Variants in DNAH3 observed in about 807,000 individuals in gnomAD.
DNAH3 encodes axonemal beta dynein heavy chain 3.
In DNAH3, 332 loss-of-function variants were observed where a neutral mutation model predicts 432.5. The observed-to-expected ratio is 0.77, with a 90% CI of 0.70 to 0.84. DNAH3 has a LOEUF of 0.84. Ranked by LOEUF, DNAH3 falls within the 40% of genes least tolerant of loss-of-function variation. The pLI is 0.00. For synonymous variants in DNAH3, 1,956 were observed against 1,900.2 expected (o/e 1.03, Z -0.76); for missense variants, 4,861 against 5,114.0 (o/e 0.95, Z 1.51).
chr16:21,045,255 G>T (rs2089641402), intron 31 of DNAH3, among the ~76,000 whole-genome samples: 1 of 151,768 alleles, frequency 6.6e-6, no homozygotes. Context: ...AATGGTACCA[G>T]TTCCTCCTTG....
chr16:20,985,905 G>C (rs1358631587), intron 47 of DNAH3, among the ~76,000 whole-genome samples, 190 bp from the exon 48 acceptor site: 1 of 151,938 alleles, frequency 6.6e-6, no homozygotes. Context: ...GCCCAGGCTG[G>C]GGTGCAATGG....
exon 54 of DNAH3, chr16:20,959,261 G>A (rs765601438): frequency 1.2e-6 from 2 of 1,614,190 alleles, no homozygotes; most frequent in South Asian, 1.1e-5. Context: ...GCGGCCAGGT[G>A]GCAGTTCTGT....
intron 12 of DNAH3, among the ~76,000 whole-genome samples, 177 bp downstream of exon 12, chr16:21,117,026 T>C (rs764781609): frequency 1.5e-4 from 23 of 152,342 alleles, no homozygotes; most frequent in Middle Eastern, 3.4e-3. Flanking sequence ...CTGGGACAGT[T>C]AGAGTTTCCT....
intron 41 of DNAH3, among the ~76,000 whole-genome samples, chr16:21,006,060 G>A (rs1174875160): frequency 6.6e-6 from 1 of 151,976 alleles, no homozygotes; most frequent in Non-Finnish European, 1.5e-5. Flanking sequence ...TTATACTATT[G>A]ATTGGAGTTC....
At chr16:21,131,896 GAGAA>G (rs1227069023) in intron 7 of DNAH3, among the ~76,000 whole-genome samples, 6 of 147,908 alleles carry the variant, frequency 4.1e-5, no homozygotes, top group Non-Finnish European at 6.0e-5. Context: ...GAAAGGAAGA[GAGAA>G]AGAAAGAAAA....
intron 58 of DNAH3, among the ~76,000 whole-genome samples, chr16:20,943,746 C>T (rs2152569643): frequency 6.6e-6 from 1 of 152,172 alleles, no homozygotes; most frequent in Non-Finnish European, 1.5e-5. Context: ...TTTTGGAAGC[C>T]AACGCAAGCA....
intron 43 of DNAH3, among the ~76,000 whole-genome samples, chr16:20,998,902 A>G (rs978542328): frequency 1.3e-5 from 2 of 152,294 alleles, no homozygotes; most frequent in South Asian, 2.1e-4. Context: ...TATTAACTCT[A>G]TGTTAAAGAT....
In DNAH3 at chr16:21,049,689, A is replaced by C; in HGVS notation, c.4348-7T>G. 6.2e-7 allele frequency: 1 copy of C among 1,611,616 alleles called. No homozygotes were observed. The highest frequency in any genetic ancestry group is 1.1e-5 in the South Asian group (1 of 91,024). ...AGCAGTTGAAGACCACACACTAGAA[A>C]GAGGGAGGATGTGGGTATCATTCAG... On this transcript the variant is annotated splice_polypyrimidine_tract_variant and splice_region_variant and intron_variant, in intron 30 of 61. Transcript: ENST00000261383.
chr16:20,993,201 T>C (rs1205422390), intron 44 of DNAH3, among the ~76,000 whole-genome samples: 1 of 152,116 alleles, frequency 6.6e-6, no homozygotes, highest in Non-Finnish European at 1.5e-5. Flanking sequence ...ACCTCCTTTT[T>C]TCCACCCCAA....
At chr16:21,019,735 T>C in exon 41 of DNAH3, 1 of 1,614,198 alleles carries the variant, frequency 6.2e-7, no homozygotes, top group African/African-American at 1.3e-5. Context: ...TTCTTTCTGC[T>C]GTCTGCGTTG....
intron 1 of DNAH3, among the ~76,000 whole-genome samples, chr16:21,147,439 C>T (rs189521949): frequency 6.6e-6 from 1 of 152,136 alleles, no homozygotes; most frequent in Non-Finnish European, 1.5e-5. Context: ...TGGTCTTGAA[C>T]TCCTGACCTC....
chr16:20,989,302 C>A (rs1208637924), intron 44 of DNAH3, among the ~76,000 whole-genome samples: 2 of 152,276 alleles, frequency 1.3e-5, no homozygotes, highest in South Asian at 2.1e-4. Flanking sequence ...CACAAAGGTT[C>A]TCCAAGGCCC....
At chr16:21,079,367 T>G (rs2091095132) in intron 20 of DNAH3, among the ~76,000 whole-genome samples, 1 of 152,232 alleles carries the variant, frequency 6.6e-6, no homozygotes, top group African/African-American at 2.4e-5. Context: ...CTCACGCCTG[T>G]AATCCCAGTA....
At chr16:20,946,672 T>C (rs1189416353) in intron 57 of DNAH3, among the ~76,000 whole-genome samples, 1 of 152,100 alleles carries the variant, frequency 6.6e-6, no homozygotes, top group East Asian at 1.9e-4. Context: ...CCCCTAGCCC[T>C]TGTTACAGTC....
chr16:21,022,633 C>T (rs1019877103), intron 39 of DNAH3, among the ~76,000 whole-genome samples: 3 of 151,994 alleles, frequency 2.0e-5, no homozygotes, highest in Admixed American at 2.0e-4. Flanking sequence ...CCTCTAGTGT[C>T]TGTTCTCCAG....
At chr16:21,094,131 A>G (rs79881364) in intron 18 of DNAH3, among the ~76,000 whole-genome samples, 2,166 of 152,282 alleles carry the variant, frequency 0.014, 50 homozygotes, top group African/African-American at 0.048. Flanking sequence ...CAAGCCATGG[A>G]CTTGGAGAAA....
At chr16:20,976,502 T>TG (rs1350575284) in intron 50 of DNAH3, among the ~76,000 whole-genome samples, 16 of 152,344 alleles carry the variant, frequency 1.1e-4, no homozygotes, top group African/African-American at 3.6e-4. Flanking sequence ...CAAAATAATT[T>TG]TTTAAAGCTA....
chr16:21,133,592 T>C (rs748470630), intron 7 of DNAH3, among the ~76,000 whole-genome samples: 23 of 151,484 alleles, frequency 1.5e-4, no homozygotes, highest in Non-Finnish European at 2.8e-4. Flanking sequence ...GATGCAAAAT[T>C]AGCCAGGCAT....
At chr16:21,146,848 C>T (rs1046916470) in intron 1 of DNAH3, among the ~76,000 whole-genome samples, 1 of 151,676 alleles carries the variant, frequency 6.6e-6, no homozygotes, top group Non-Finnish European at 1.5e-5. Flanking sequence ...GCAACCTCTG[C>T]CTCCGGGGGT....
Sources: allele counts gnomAD v4.1 joint callset (sites outside exome capture counted in the v4.1 genomes callset), GRCh38; gene constraint gnomAD v4.1.1; transcripts MANE v1.5; gene names NCBI Gene and HGNC (gene_info 2026-07-23, HGNC 2026-07-21).